BCL2: variants seen among roughly 807,000 people sequenced by gnomAD.
The protein encoded by BCL2 is BCL2 apoptosis regulator.
BCL2 carries 1 observed loss-of-function variant against 14.2 expected under a neutral mutation model. That is an observed-to-expected ratio of 0.07 (90% CI 0.02 to 0.33). BCL2 has a LOEUF of 0.33. Ranked by LOEUF, BCL2 falls within the 10% of genes least tolerant of loss-of-function variation. BCL2 has a pLI of 0.99. For synonymous variants in BCL2, 151 were observed against 137.2 expected (o/e 1.10, Z -0.70); for missense variants, 247 against 305.9 (o/e 0.81, Z 1.44).
At chr18:63,214,232 G>C (rs998235561) in intron 2 of BCL2, among the ~76,000 whole-genome samples, 8 of 152,222 alleles carry the variant, frequency 5.3e-5, no homozygotes, top group African/African-American at 1.9e-4. Flanking sequence ...GACGAGTGCA[G>C]AAAGTGTCAG....
intron 2 of BCL2, among the ~76,000 whole-genome samples, chr18:63,187,803 C>A (rs926160720): frequency 2.0e-5 from 3 of 152,212 alleles, no homozygotes; most frequent in African/African-American, 7.2e-5. Flanking sequence ...ATTAGTTCGA[C>A]TAATACAGAT....
chr18:63,262,312 G>A (rs1482345545), intron 2 of BCL2, among the ~76,000 whole-genome samples: 1 of 152,208 alleles, frequency 6.6e-6, no homozygotes, highest in African/African-American at 2.4e-5. Context: ...GACGTAAAGA[G>A]TATTTGTTAC....
At chr18:63,159,149 T>A (rs1914854030) in intron 2 of BCL2, among the ~76,000 whole-genome samples, 1 of 152,166 alleles carries the variant, frequency 6.6e-6, no homozygotes, top group Non-Finnish European at 1.5e-5. Flanking sequence ...ATTCCCTTCC[T>A]CTCTAGTTTC....
intron 2 of BCL2, among the ~76,000 whole-genome samples, chr18:63,150,075 G>A (rs905953776): frequency 1.3e-5 from 2 of 152,142 alleles, no homozygotes; most frequent in African/African-American, 2.4e-5. Context: ...TAGAATTGGG[G>A]TTTCACCATG....
chr18:63,237,043 G>A (rs1259309828), intron 2 of BCL2, among the ~76,000 whole-genome samples: 1 of 152,174 alleles, frequency 6.6e-6, no homozygotes, highest in Non-Finnish European at 1.5e-5. Context: ...TCACAGCTAT[G>A]TTCTCTTGCC....
At chr18:63,160,791 A>T (rs76771187) in intron 2 of BCL2, among the ~76,000 whole-genome samples, 8,734 of 150,132 alleles carry the variant, frequency 0.058, 334 homozygotes, top group East Asian at 0.11. Context: ...GAAAAAAGCC[A>T]CATCGCTTCC....
chr18:63,191,445 C>T (rs964967375), intron 2 of BCL2, among the ~76,000 whole-genome samples: 8 of 152,252 alleles, frequency 5.3e-5, no homozygotes, highest in South Asian at 2.1e-4. Context: ...GACCCATCTT[C>T]AACTGAATTC....
At chr18:63,140,214 G>A (rs1362940973) in intron 2 of BCL2, among the ~76,000 whole-genome samples, 1 of 152,204 alleles carries the variant, frequency 6.6e-6, no homozygotes, top group Non-Finnish European at 1.5e-5. Flanking sequence ...GTAAACTGGT[G>A]CAGCCATTGT....
At chr18:63,226,640 T>A (rs1312808022) in intron 2 of BCL2, among the ~76,000 whole-genome samples, 1 of 151,934 alleles carries the variant, frequency 6.6e-6, no homozygotes, top group East Asian at 1.9e-4. Context: ...TATGATTGGA[T>A]TTTTTTTGCA....
intron 2 of BCL2, among the ~76,000 whole-genome samples, chr18:63,307,753 A>G (rs980349000): frequency 6.6e-6 from 1 of 152,184 alleles, no homozygotes; most frequent in Non-Finnish European, 1.5e-5. Flanking sequence ...GAATTCACTC[A>G]TAGATAAGCT....
chr18:63,146,682 C>G (rs1031277919), intron 2 of BCL2, among the ~76,000 whole-genome samples: 1 of 152,138 alleles, frequency 6.6e-6, no homozygotes, highest in Non-Finnish European at 1.5e-5. Context: ...ATTTTATGTG[C>G]TTTTCATTTC....
At chr18:63,188,844 T>C (rs1206520961) in intron 2 of BCL2, among the ~76,000 whole-genome samples, 1 of 152,082 alleles carries the variant, frequency 6.6e-6, no homozygotes, top group Non-Finnish European at 1.5e-5. Context: ...ATATTATCCA[T>C]ACAGACTTCC....
intron 2 of BCL2, among the ~76,000 whole-genome samples, chr18:63,172,623 T>C (rs1478811095): frequency 6.6e-6 from 1 of 151,910 alleles, no homozygotes; most frequent in Non-Finnish European, 1.5e-5. Context: ...CTACTAAAAA[T>C]ATAAAAAATT....
In BCL2 at chr18:63,248,440, G is replaced by T. The variant is rs539960183; in HGVS notation, c.585+69642C>A. Among the ~76,000 whole-genome samples, 3 of 152,288 alleles carry T rather than the reference G, an allele frequency of 2.0e-5. No homozygotes were observed. In the East Asian group the frequency reaches 5.8e-4, roughly 29 times the overall value. On this transcript the variant is annotated intron_variant, in intron 2 of 2. Transcript: ENST00000333681. Reference sequence around the variant, plus strand: ...CCTTAGATTATATTTTGACTTTAAGGCCAAGTGTAGAAATGGTGGTCAAAT... The same window carrying T: ...CCTTAGATTATATTTTGACTTTAAGTCCAAGTGTAGAAATGGTGGTCAAAT...
intron 2 of BCL2, among the ~76,000 whole-genome samples, chr18:63,159,231 G>A (rs904965406): frequency 3.3e-5 from 5 of 152,132 alleles, no homozygotes; most frequent in Non-Finnish European, 5.9e-5. Context: ...CGTGCAAACC[G>A]ACACAGAGCA....
At chr18:63,255,517 G>A (rs1342719362) in intron 2 of BCL2, among the ~76,000 whole-genome samples, 1 of 152,204 alleles carries the variant, frequency 6.6e-6, no homozygotes, top group Non-Finnish European at 1.5e-5. Flanking sequence ...GTGGCCTAGA[G>A]TGGAATCTTA....
At chr18:63,192,639 C>A (rs991384032) in intron 2 of BCL2, among the ~76,000 whole-genome samples, 2 of 152,128 alleles carry the variant, frequency 1.3e-5, no homozygotes, top group Non-Finnish European at 2.9e-5. Context: ...TGGCAGCTGG[C>A]TCCTTGGAAT....
At position 63,319,602 on chromosome 18, in the gene BCL2, G is replaced by C; in HGVS notation, c.-715C>G. 4.4e-6 allele frequency: 1 copy of C among 227,654 alleles called. No homozygotes were observed. Among genetic ancestry groups the C allele is most frequent in the East Asian group, 6.3e-5 (1 of 15,980 alleles). 14.1% of individuals were successfully genotyped at this position (227,654 alleles called of 1,614,324 possible). ...GCCTCCCCAGGAGAGAGACAGGGGA[G>C]AGGGGACGATGAAGGAGCCGGGGAC... On this transcript the variant is annotated 5_prime_UTR_variant, in exon 1 of 3. Coordinates refer to ENST00000333681, the MANE Select transcript of BCL2 (RefSeq NM_000633.3).
chr18:63,168,332 C>A (rs1238208682), intron 2 of BCL2, among the ~76,000 whole-genome samples: 1 of 152,198 alleles, frequency 6.6e-6, no homozygotes, highest in East Asian at 1.9e-4. Context: ...AGCTTGAGAC[C>A]AGCCTGGGCA....
Sources: allele counts gnomAD v4.1 joint callset (sites outside exome capture counted in the v4.1 genomes callset), GRCh38; gene constraint gnomAD v4.1.1; transcripts MANE v1.5; gene names NCBI Gene and HGNC (gene_info 2026-07-23, HGNC 2026-07-21).